The following CRNKL1 variants were observed in gnomAD, a reference collection of about 807,000 sequenced individuals.
CRNKL1 encodes crooked neck pre-mRNA splicing factor 1, also known as crooked neck-like protein 1.
CRNKL1 carries 35 observed loss-of-function variants against 103.7 expected under a neutral mutation model. The observed-to-expected ratio is 0.34, with a 90% confidence interval of 0.26 to 0.45. The LOEUF is 0.45. Among genes scored for constraint, CRNKL1 ranks in the 20% least tolerant of loss-of-function variants. The probability of loss-of-function intolerance (pLI) is 1.00; values close to 1 mark genes in which losing one functional copy is unlikely to be tolerated. For missense variants in CRNKL1, 645 were observed against 836.0 expected (o/e 0.77, Z 2.82); for synonymous variants, 267 against 282.6 (o/e 0.94, Z 0.55).
chr20:20,035,925 C>A lies in CRNKL1; in HGVS notation c.*270G>T. The A allele has an allele frequency of 2.9e-6, 1 of 342,412 alleles. No homozygotes were observed. The highest frequency in any genetic ancestry group is 5.4e-5 in the East Asian group (1 of 18,566). The allele number at this position is 342,412 out of a possible 1,614,324, so 21.2% of individuals were successfully genotyped here. A position where few individuals can be genotyped will look rare whatever the true frequency, so the allele number is the denominator to read the frequency against. On this transcript the variant is annotated 3_prime_UTR_variant, in exon 14 of 14. Coordinates refer to ENST00000536226, the MANE Select transcript of CRNKL1 (RefSeq NM_001278628.2). ...ATGAAAAGTAACTGTAGAATGTTAC[C>A]TTAATTACATTTCCTAATGCATGAT...
chr20:20,036,149 C>T lies in CRNKL1; in HGVS notation c.*46G>A, dbSNP rs1601139192. Reference sequence around the variant, plus strand: ...TTCCAGGAGTCACAAGAGTTCCAAACAATTAATTTATAAAAATAACAAAAC... The same window carrying T: ...TTCCAGGAGTCACAAGAGTTCCAAATAATTAATTTATAAAAATAACAAAAC... On this transcript the variant is annotated 3_prime_UTR_variant, in exon 14 of 14. Transcript: ENST00000536226. 7 of 1,586,770 alleles carry T rather than the reference C, an allele frequency of 4.4e-6. No individual in the cohort carries two copies. The highest frequency in any genetic ancestry group is 3.4e-4 in the Middle Eastern group (2 of 5,958).
chr20:20,055,753 A>G (rs1000188392), upstream of CRNKL1, among the ~76,000 whole-genome samples: 2 of 152,226 alleles, frequency 1.3e-5, no homozygotes, highest in African/African-American at 4.8e-5. Context: ...AAGGAATGAC[A>G]ATATTTATGG....
Position 20,037,362 on chromosome 20 carries a change from C to A in CRNKL1, c.1857G>T (p.Glu619Asp), listed in dbSNP as rs547702566. 5 of 1,614,134 alleles carry A rather than the reference C, an allele frequency of 3.1e-6. No individual in the cohort carries two copies. The highest frequency in any genetic ancestry group is 4.2e-6 in the Non-Finnish European group (5 of 1,180,020). The change falls in exon 13 of 14, where the codon GAG becomes GAT. Residue 619 changes from glutamate (E) to aspartate (D), a missense_variant. Glu to Asp is a conservative substitution (Grantham distance 45). Transcript: ENST00000536226. The part of the protein sequence containing the change: ...DKERVDKLMP[E>D]KVKKRRKVQT... ...GGACCTTTCTTCTCTTCTTGACTTTCTCTGGCATGAGTTTGTCTACTCTCT... is the reference window on the plus strand; with the variant it reads ...GGACCTTTCTTCTCTTCTTGACTTTATCTGGCATGAGTTTGTCTACTCTCT...
chr20:20,045,211 G>A, intron 6 of CRNKL1, 97 bp downstream of exon 6: 1 of 1,008,752 alleles, frequency 9.9e-7, no homozygotes, highest in Non-Finnish European at 1.5e-6. Context: ...TCTTTCCAGG[G>A]ATATGTCAGT....
chr20:20,041,656 A>G, intron 8 of CRNKL1, 31 bp from the exon 9 acceptor site: 1 of 1,523,428 alleles, frequency 6.6e-7, no homozygotes, highest in Non-Finnish European at 9.1e-7. Flanking sequence ...TTCACAAAAT[A>G]TTGAAGTCTG....
At chr20:20,039,997 G>A in intron 10 of CRNKL1, 149 bp from the exon 11 acceptor site, 1 of 785,450 alleles carries the variant, frequency 1.3e-6, no homozygotes, top group Non-Finnish European at 2.0e-6. Context: ...GTATCACAAT[G>A]TTTACTGGTT....
upstream of CRNKL1, chr20:20,052,832 T>C: frequency 9.1e-7 from 1 of 1,095,066 alleles, no homozygotes; most frequent in Non-Finnish European, 1.3e-6. Flanking sequence ...CTGCCGCCCT[T>C]TTAGGCTGCA....
At position 20,041,598 on chromosome 20, in the gene CRNKL1, G is replaced by C. The variant is rs1191239942; in HGVS notation, c.1192C>G (p.Gln398Glu). The stretch of plus-strand genomic sequence containing the variant: ...TGAGGAATTAGTTCCAAAGAGGCTT[G>C]ATACACCTGTCTTGTCCTCTCAGGA... ...KDPERTRQVY[Q>E]ASLELIPHKK... The change falls in exon 9 of 14, where the codon CAA becomes GAA. Residue 398 changes from glutamine (Q) to glutamate (E), a missense_variant. Gln to Glu is a conservative substitution (Grantham distance 29). Transcript: ENST00000536226. 1 of 1,613,608 alleles carries C rather than the reference G, an allele frequency of 6.2e-7. No individual in the cohort carries two copies. Among genetic ancestry groups the C allele is most frequent in the Non-Finnish European group, 8.5e-7 (1 of 1,179,582 alleles).
intron 3 of CRNKL1, among the ~76,000 whole-genome samples, chr20:20,048,801 A>C (rs6046569): frequency 0.089 from 13,516 of 152,226 alleles, 1,466 homozygotes; most frequent in East Asian, 0.6. Context: ...TGTAGAAATG[A>C]GAACTTGAGG....
intron 6 of CRNKL1, 123 bp from the exon 7 acceptor site, chr20:20,043,785 G>A: frequency 1.2e-6 from 1 of 848,030 alleles, no homozygotes; most frequent in Admixed American, 2.7e-5. Flanking sequence ...AATATCCAGA[G>A]TAAGATGCTT....
intron 6 of CRNKL1, 42 bp from the exon 7 acceptor site, chr20:20,043,704 C>A (rs749975226): frequency 1.3e-6 from 2 of 1,569,402 alleles, no homozygotes; most frequent in Admixed American, 3.4e-5. Flanking sequence ...ACACAATATT[C>A]TCATGCCAGT....
At chr20:20,048,565 A>C in intron 3 of CRNKL1, 64 bp from the exon 4 acceptor site, 4 of 1,547,828 alleles carry the variant, frequency 2.6e-6, no homozygotes, top group Non-Finnish European at 3.5e-6. Flanking sequence ...CAGTTATTTC[A>C]AACTATCTGG....
At chr20:20,038,474 C>A in intron 11 of CRNKL1, 24 bp from the exon 12 acceptor site, 2 of 1,367,442 alleles carry the variant, frequency 1.5e-6, no homozygotes, top group South Asian at 2.5e-5. Flanking sequence ...GTAAATGGGT[C>A]AGTCTTGACA....
Position 20,050,406 on chromosome 20 carries a change from G to T in CRNKL1, c.204+64C>A. 15 of 1,453,308 alleles carry T rather than the reference G, an allele frequency of 1.0e-5. No individual in the cohort carries two copies. In the South Asian group the frequency reaches 2.0e-4, roughly 19 times the overall value. 90.0% of individuals were successfully genotyped at this position (1,453,308 alleles called of 1,614,324 possible). A position where few individuals can be genotyped will look rare whatever the true frequency, so the allele number is the denominator to read the frequency against. Reference sequence around the variant, plus strand: ...CCCTACAGAATCCAACCAATGAGGAGCTTTTCAAACTGACCGATACAGTCT... The same window carrying T: ...CCCTACAGAATCCAACCAATGAGGATCTTTTCAAACTGACCGATACAGTCT... On this transcript the variant is annotated intron_variant, in intron 2 of 13. Transcript: ENST00000536226.
In CRNKL1 at chr20:20,048,454, A is replaced by G. The variant is rs1342901861; in HGVS notation, c.344T>C (p.Ile115Thr). The change falls in exon 4 of 14, where the codon ATT becomes ACT. Residue 115 changes from isoleucine (I) to threonine (T), a missense_variant. Around this residue, in one of 2 missense-constraint regions of CRNKL1, gnomAD observed 582 missense variants for 707.7 expected, o/e 0.82. Coordinates refer to ENST00000536226, the MANE Select transcript of CRNKL1 (RefSeq NM_001278628.2). ...ERALDVDYRN[I>T]TLWLKYAEME... ...TTCTGCGTATTTCAGCCAGAGTGTA[A>G]TATTTCGGTAGTCTACATCTAAAGC... The G allele has an allele frequency of 1.9e-6, 3 of 1,614,036 alleles. No individual in the cohort carries two copies. The highest frequency in any genetic ancestry group is 2.5e-6 in the Non-Finnish European group (3 of 1,180,036).
chr20:20,045,627 G>C (rs974557884), intron 5 of CRNKL1, 141 bp from the exon 6 acceptor site: 1 of 698,080 alleles, frequency 1.4e-6, no homozygotes, highest in African/African-American at 1.8e-5. Flanking sequence ...ACATACAAAA[G>C]TGTAGAATTA....
chr20:20,050,572 T>C lies in CRNKL1; in HGVS notation c.102A>G (p.Leu34=). The change falls in exon 2 of 14, where the codon TTA becomes TTG. Residue 34 remains leucine, a synonymous_variant. Transcript: ENST00000536226. ...AEVQITAEQL[L]REAKERELEL... is the part of the protein sequence containing the mutation. ...CAAGTTCTCTTTCTTTAGCCTCTCT[T>C]AAGAGTTGTTCAGCAGTTATCTGTA... The C allele has an allele frequency of 6.2e-7, 1 of 1,613,966 alleles. No individual in the cohort carries two copies. Among genetic ancestry groups the C allele is most frequent in the East Asian group, 2.2e-5 (1 of 44,870 alleles).
chr20:20,052,741 G>C (rs767330394), upstream of CRNKL1: 8 of 1,581,088 alleles, frequency 5.1e-6, no homozygotes, highest in Non-Finnish European at 8.6e-7. Flanking sequence ...GAGTAAGAAC[G>C]GAGCTCCAAT....
chr20:20,038,747 G>C, intron 11 of CRNKL1: 1 of 269,864 alleles, frequency 3.7e-6, no homozygotes, highest in Non-Finnish European at 6.9e-6. Context: ...CATCTCCCAG[G>C]TACTCCATAT....
Sources: allele counts gnomAD v4.1 joint callset (sites outside exome capture counted in the v4.1 genomes callset), GRCh38; gene constraint gnomAD v4.1.1; regional missense constraint gnomAD v4.1.1; transcripts MANE v1.5; gene names NCBI Gene and HGNC (gene_info 2026-07-23, HGNC 2026-07-21).